The following ZBTB7C variants were observed in gnomAD, a reference collection of about 807,000 sequenced individuals.
The protein encoded by ZBTB7C is zinc finger and BTB domain containing 7C.
In ZBTB7C, 8 loss-of-function variants were observed where a neutral mutation model predicts 25.7. That is an observed-to-expected ratio of 0.31 (90% confidence interval 0.18 to 0.56). ZBTB7C has a LOEUF of 0.56. Among genes scored for constraint, ZBTB7C ranks in the 20% least tolerant of loss-of-function variants. The pLI is 0.91. For missense variants in ZBTB7C, 824 were observed against 855.2 expected (o/e 0.96, Z 0.46); for synonymous variants, 394 against 369.0 (o/e 1.07, Z -0.78).
chr18:48,295,381 T>G (rs1407814392), intron 2 of ZBTB7C, among the ~76,000 whole-genome samples: 2 of 152,064 alleles, frequency 1.3e-5, no homozygotes, highest in Non-Finnish European at 2.9e-5. Flanking sequence ...TTTGTGGAGG[T>G]GGAGGTAGCA....
chr18:48,128,301 G>C (rs1374500020), intron 3 of ZBTB7C, among the ~76,000 whole-genome samples: 10 of 152,214 alleles, frequency 6.6e-5, no homozygotes, highest in Non-Finnish European at 1.5e-4. Flanking sequence ...AATGTGGCAC[G>C]ATTAAAGTGG....
At chr18:48,039,257 A>G (rs2144137360) in intron 4 of ZBTB7C, among the ~76,000 whole-genome samples, 1 of 152,296 alleles carries the variant, frequency 6.6e-6, no homozygotes, top group East Asian at 1.9e-4. Flanking sequence ...GATTGAGAGG[A>G]CCTACAGGCA....
chr18:48,051,871 G>T (rs551113070), intron 3 of ZBTB7C, among the ~76,000 whole-genome samples: 1 of 151,918 alleles, frequency 6.6e-6, no homozygotes, highest in African/African-American at 2.4e-5. Context: ...AAATCAAATG[G>T]TGCCCCTTCA....
chr18:48,225,082 T>C (rs924052359), intron 2 of ZBTB7C, among the ~76,000 whole-genome samples: 1 of 152,236 alleles, frequency 6.6e-6, no homozygotes. Context: ...TGGCTTGGCA[T>C]CTGCTGTATG....
At chr18:48,137,831 GGGCCAGCCACCAATCACAGAGGTGT>G (rs1468044863) in intron 3 of ZBTB7C, among the ~76,000 whole-genome samples, 2 of 152,206 alleles carry the variant, frequency 1.3e-5, no homozygotes, top group East Asian at 3.9e-4. Flanking sequence ...ACACTGGGGT[GGGCCAGCCACCAATCACAGAGGTGT>G]GGCCAAACAC....
At chr18:48,215,609 G>T (rs1038050028) in intron 2 of ZBTB7C, among the ~76,000 whole-genome samples, 1 of 152,182 alleles carries the variant, frequency 6.6e-6, no homozygotes, top group African/African-American at 2.4e-5. Flanking sequence ...CTGGGTTAAG[G>T]TAAGGGGCTG....
intron 2 of ZBTB7C, among the ~76,000 whole-genome samples, chr18:48,288,407 G>C (rs1229718034): frequency 6.6e-6 from 1 of 152,090 alleles, no homozygotes; most frequent in Non-Finnish European, 1.5e-5. Context: ...CCCCACTTTG[G>C]GAGGCCAAAC....
At chr18:48,181,824 A>T (rs1426186037) in intron 3 of ZBTB7C, among the ~76,000 whole-genome samples, 2 of 152,238 alleles carry the variant, frequency 1.3e-5, no homozygotes, top group Non-Finnish European at 2.9e-5. Context: ...ACAATTGCCT[A>T]TGCATGTTAG....
intron 2 of ZBTB7C, among the ~76,000 whole-genome samples, chr18:48,337,344 C>T (rs2046479048): frequency 6.6e-6 from 1 of 152,204 alleles, no homozygotes; most frequent in South Asian, 2.1e-4. Context: ...CAGGGTGGTA[C>T]CTCATATGAC....
At chr18:48,251,047 G>A (rs2043840979) in intron 2 of ZBTB7C, among the ~76,000 whole-genome samples, 1 of 151,996 alleles carries the variant, frequency 6.6e-6, no homozygotes, top group Admixed American at 6.6e-5. Context: ...AACATAGCAA[G>A]ACCTTGTTTC....
intron 3 of ZBTB7C, among the ~76,000 whole-genome samples, chr18:48,120,295 C>T (rs1478564367): frequency 6.6e-6 from 1 of 152,128 alleles, no homozygotes; most frequent in Non-Finnish European, 1.5e-5. Context: ...GAGCTGAGGG[C>T]ACTGGACCTC....
chr18:48,182,861 T>G (rs2041962829), intron 3 of ZBTB7C, among the ~76,000 whole-genome samples: 1 of 152,210 alleles, frequency 6.6e-6, no homozygotes, highest in Non-Finnish European at 1.5e-5. Flanking sequence ...AATAGTGAAG[T>G]TAGTGAAATT....
At chr18:48,132,149 C>T (rs892922724) in intron 3 of ZBTB7C, among the ~76,000 whole-genome samples, 16 of 152,014 alleles carry the variant, frequency 1.1e-4, no homozygotes, top group African/African-American at 2.9e-4. Context: ...ATATCCATCA[C>T]GGGTAAATGG....
chr18:48,281,062 C>A (rs961830102), intron 2 of ZBTB7C, among the ~76,000 whole-genome samples: 1 of 152,038 alleles, frequency 6.6e-6, no homozygotes, highest in African/African-American at 2.4e-5. Context: ...CCATGTTGGC[C>A]AGACTGGTCT....
intron 2 of ZBTB7C, among the ~76,000 whole-genome samples, chr18:48,232,489 C>T (rs1016760866): frequency 1.4e-5 from 2 of 138,652 alleles, no homozygotes; most frequent in Admixed American, 1.4e-4. Context: ...ACCCTCTAGA[C>T]CAGCCCATCT....
chr18:48,325,034 G>A (rs2046186235), intron 2 of ZBTB7C, among the ~76,000 whole-genome samples: 1 of 152,202 alleles, frequency 6.6e-6, no homozygotes, highest in African/African-American at 2.4e-5. Flanking sequence ...TGGGGACTAT[G>A]TCGGGAGCTC....
At chr18:48,209,572 T>C (rs910329560) in intron 2 of ZBTB7C, among the ~76,000 whole-genome samples, 1 of 152,048 alleles carries the variant, frequency 6.6e-6, no homozygotes, top group Non-Finnish European at 1.5e-5. Context: ...CCAGGCAACA[T>C]AGTGAGACAC....
Position 48,295,874 on chromosome 18 carries a change from G to C in ZBTB7C, c.-79+42300C>G, listed in dbSNP as rs183858509. On this transcript the variant is annotated intron_variant, in intron 2 of 4. Transcript: ENST00000590800. ...GTGGGGAAGAGATAGGGGTCAGGTG[G>C]GGGACCCATCCCAAAGACACAAAGA... Among the ~76,000 whole-genome samples the C allele has an allele frequency of 1.5e-4, 23 of 152,290 alleles. No individual in the cohort carries two copies. In the East Asian group the frequency reaches 1.7e-3, roughly 12 times the overall value.
intron 2 of ZBTB7C, among the ~76,000 whole-genome samples, chr18:48,258,243 AAAG>A (rs2044076100): frequency 6.6e-6 from 1 of 152,216 alleles, no homozygotes; most frequent in Admixed American, 6.5e-5. Flanking sequence ...TGCAATCAGA[AAAG>A]AAGTAAAAAG....
Sources: gnomAD v4.1 joint callset for allele counts (sites outside exome capture counted in the v4.1 genomes callset) on GRCh38, gnomAD v4.1.1 for gene constraint, MANE v1.5 for transcripts, NCBI Gene and HGNC (gene_info 2026-07-23, HGNC 2026-07-21) for gene names.